Variants in DOCK8 observed in about 807,000 individuals in gnomAD.
The protein encoded by DOCK8 is dedicator of cytokinesis 8.
In DOCK8, 141 loss-of-function variants were observed where a neutral mutation model predicts 245.6. The observed-to-expected ratio is 0.57, with a 90% CI of 0.50 to 0.66. The LOEUF is 0.66. Ranked by LOEUF, DOCK8 falls within the 30% of genes least tolerant of loss-of-function variation. The probability of loss-of-function intolerance (pLI) is 0.00; values close to 1 mark genes in which losing one functional copy is unlikely to be tolerated. For missense variants in DOCK8, 2,965 were observed against 2,603.4 expected (o/e 1.14, Z -3.02); for synonymous variants, 1,168 against 970.2 (o/e 1.20, Z -3.79).
At chr9:311,579 C>T (rs935185481) in intron 5 of DOCK8, among the ~76,000 whole-genome samples, 2 of 152,078 alleles carry the variant, frequency 1.3e-5, no homozygotes, top group African/African-American at 4.8e-5. Context: ...CAACTTCCTC[C>T]AGCTCTGTTT....
chr9:348,499 A>G (rs2052010425), intron 14 of DOCK8, among the ~76,000 whole-genome samples: 1 of 152,096 alleles, frequency 6.6e-6, no homozygotes, highest in South Asian at 2.1e-4. Flanking sequence ...TCATTTTTCC[A>G]CTGTCCTTTA....
At chr9:397,073 C>T in intron 25 of DOCK8, 139 bp downstream of exon 25, 1 of 1,044,046 alleles carries the variant, frequency 9.6e-7, no homozygotes, top group Non-Finnish European at 1.4e-6. Flanking sequence ...GTATGTTATA[C>T]TGGACTGGAC....
At chr9:214,533 G>C (rs745972699), upstream of DOCK8, 87 of 1,613,242 alleles carry the variant, frequency 5.4e-5, no homozygotes, top group Non-Finnish European at 6.7e-5. Context: ...GGTGATTCCC[G>C]ACCTCGCCAG....
rs143460133 is a variant in DOCK8 at position 447,296 on chromosome 9, T to C, written c.5817+690T>C. Among the ~76,000 whole-genome samples, 204 of 152,362 alleles carry C rather than the reference T, an allele frequency of 1.3e-3. 1 individual carries two copies. Among genetic ancestry groups the C allele is most frequent in the African/African-American group, 4.5e-3 (189 of 41,590 alleles). ...AACTTATTATTCTTTAAAACACATA[T>C]ATATACACTTATTTGTCGTCCTTTT... is the stretch of plus-strand genomic sequence containing the variant. On this transcript the variant is annotated intron_variant, in intron 44 of 47. Transcript: ENST00000432829.
At chr9:344,921 G>GGCA (rs1461133691) in intron 14 of DOCK8, among the ~76,000 whole-genome samples, 1 of 152,024 alleles carries the variant, frequency 6.6e-6, no homozygotes. Context: ...GCGTGGTGGT[G>GGCA]GGTGCCTGTA....
At chr9:274,396 C>T (rs1163981713) in intron 2 of DOCK8, among the ~76,000 whole-genome samples, 1 of 151,936 alleles carries the variant, frequency 6.6e-6, no homozygotes, top group African/African-American at 2.4e-5. Context: ...TTGACTTCAA[C>T]TTCAGTATAT....
At chr9:327,392 CTTTTT>C (rs548852247) in intron 8 of DOCK8, among the ~76,000 whole-genome samples, 1 of 131,794 alleles carries the variant, frequency 7.6e-6, no homozygotes, top group Non-Finnish European at 1.6e-5. Flanking sequence ...TTTCCCTCAC[CTTTTT>C]TTTTTTTTTT....
At chr9:309,044 T>G (rs1026163211) in intron 5 of DOCK8, among the ~76,000 whole-genome samples, 11 of 152,266 alleles carry the variant, frequency 7.2e-5, no homozygotes, top group Non-Finnish European at 7.3e-5. Flanking sequence ...GCATTTAGTT[T>G]ACTTCTATTG....
At chr9:387,102 C>T (rs1184784346) in intron 23 of DOCK8, among the ~76,000 whole-genome samples, 1 of 152,188 alleles carries the variant, frequency 6.6e-6, no homozygotes, top group African/African-American at 2.4e-5. Context: ...AGAATCTCAC[C>T]ATTATAGTAG....
intron 42 of DOCK8, 139 bp from the exon 43 acceptor site, chr9:443,288 A>G: frequency 1.2e-6 from 1 of 821,740 alleles, no homozygotes. Context: ...AACTTTGCTC[A>G]TTAGCTCAGA....
intron 26 of DOCK8, among the ~76,000 whole-genome samples, chr9:399,598 G>A (rs377451636): frequency 1.4e-4 from 22 of 152,124 alleles, no homozygotes; most frequent in Admixed American, 5.2e-4. Flanking sequence ...AAGTCCTTGC[G>A]CTCCCAGTCT....
chr9:386,414 A>T lies in DOCK8; in HGVS notation c.2862A>T (p.Pro954=), dbSNP rs117610764. The T allele has an allele frequency of 8.2e-3, 13,183 of 1,613,488 alleles. 92 individuals are homozygous for T. The highest frequency in any genetic ancestry group is 0.022 in the South Asian group (1,960 of 91,032). The change falls in exon 23 of 48, where the codon CCA becomes CCT. Residue 954 remains proline, a synonymous_variant. Transcript: ENST00000432829. ...DAPSSPAAPR[P]ASKKHFHEEL... ...CAAGTTCACCTGCAGCCCCAAGGCC[A>T]GCCAGCAAAAAGGTACTGAAGAGAG...
chr9:325,735 A>G lies in DOCK8; in HGVS notation c.892A>G (p.Lys298Glu), dbSNP rs1433778765. 1.9e-6 allele frequency: 3 copies of G among 1,613,528 alleles called. No homozygotes were observed. The highest frequency in any genetic ancestry group is 2.5e-6 in the Non-Finnish European group (3 of 1,179,590). The change falls in exon 8 of 48, where the codon AAG becomes GAG. Residue 298 changes from lysine to glutamate, a missense_variant and splice_region_variant. Physicochemically the swap from Lys to Glu is moderately conservative, Grantham distance 56. This residue lies in a region of DOCK8 where 2,825 missense variants were observed against 2,453.5 expected (regional missense o/e 1.15). Coordinates refer to ENST00000432829, the MANE Select transcript of DOCK8 (RefSeq NM_203447.4). ...IALYDVKERK[K>E]ISENFHCDLN... ...CCTCTACGATGTTAAAGAAAGGAAA[A>G]AGGTAAGAAAGCAAAGAAAAATCCA...
chr9:266,307 G>C (rs1369345572), intron 1 of DOCK8, among the ~76,000 whole-genome samples: 1 of 151,978 alleles, frequency 6.6e-6, no homozygotes, highest in Non-Finnish European at 1.5e-5. Context: ...CTACCCACTG[G>C]ATCAGGCTTC....
At position 414,934 on chromosome 9, in the gene DOCK8, A is replaced by T. The variant is rs768582763; in HGVS notation, c.3683A>T (p.Gln1228Leu). 1.9e-6 allele frequency: 3 copies of T among 1,613,830 alleles called. No homozygotes were observed. The South Asian group carries it at 3.3e-5, about 18-fold the overall frequency. Residue 1228 changes from glutamine (Q) to leucine (L), a missense_variant, in exon 29 of 48, where the codon CAG (glutamine) becomes CTG (leucine). By Grantham distance (113) the Gln-to-Leu change is moderately radical. Coordinates refer to ENST00000432829, the MANE Select transcript of DOCK8 (RefSeq NM_203447.4). ...GGCATCATTTTGGATGCTTTGCCAC[A>T]GCTCTGTGACTTTACAGGTAATGGC... The part of the protein sequence containing the change: ...LVGIILDALP[Q>L]LCDFTVADTR...
intron 18 of DOCK8, 39 bp downstream of exon 18, chr9:372,325 C>CTGTA (rs1586828326): frequency 6.5e-7 from 1 of 1,538,312 alleles, no homozygotes; most frequent in East Asian, 2.2e-5. Context: ...TCTTGTCCAG[C>CTGTA]TGTAGTCTTG....
intron 9 of DOCK8, among the ~76,000 whole-genome samples, chr9:331,574 A>G (rs1336226993): frequency 6.6e-6 from 1 of 152,250 alleles, no homozygotes; most frequent in Non-Finnish European, 1.5e-5. Context: ...TGATGGGACT[A>G]AATCCACTGG....
chr9:323,677 C>T (rs1190149373), intron 7 of DOCK8, among the ~76,000 whole-genome samples: 1 of 152,146 alleles, frequency 6.6e-6, no homozygotes, highest in Non-Finnish European at 1.5e-5. Flanking sequence ...CTCCCTACTC[C>T]CCAGCCCCTG....
At chr9:313,438 G>A (rs750635675) in intron 6 of DOCK8, among the ~76,000 whole-genome samples, 9 of 152,172 alleles carry the variant, frequency 5.9e-5, no homozygotes, top group Non-Finnish European at 1.2e-4. Flanking sequence ...GATTTTCTAA[G>A]CACCTTGGTT....
Sources: gnomAD v4.1 joint callset for allele counts (sites outside exome capture counted in the v4.1 genomes callset) on GRCh38, gnomAD v4.1.1 for gene constraint, gnomAD v4.1.1 regional missense constraint, MANE v1.5 for transcripts, NCBI Gene and HGNC (gene_info 2026-07-23, HGNC 2026-07-21) for gene names.